The following EDEM3 variants were observed in gnomAD, a reference collection of about 807,000 sequenced individuals.
The protein encoded by EDEM3 is ER degradation enhancing alpha-mannosidase like protein 3.
In EDEM3, 60 loss-of-function variants were observed where a neutral mutation model predicts 110.2. The ratio of observed to expected loss-of-function variants is 0.54; its 90% CI spans 0.44 to 0.67. The LOEUF (loss-of-function observed/expected upper bound fraction) is 0.67. Among genes scored for constraint, EDEM3 ranks in the 30% least tolerant of loss-of-function variants. The pLI is 0.00. For missense variants in EDEM3, 996 were observed against 1,121.0 expected (o/e 0.89, Z 1.59); for synonymous variants, 352 against 382.9 (o/e 0.92, Z 0.94).
rs746303687 is a variant in EDEM3, at chr1:184,694,266, T to C, written c.2596A>G (p.Asn866Asp). 1.9e-6 allele frequency: 3 copies of C among 1,613,270 alleles called. No homozygotes were observed. ...ASISPSEQTSNPTENHETTNL... is the reference protein window; with the variant it reads ...ASISPSEQTSDPTENHETTNL... ...GTAGTCTCATGGTTTTCTGTGGGAT[T>C]AGAAGTCTGTTCAGAAGGGGAAATG... Residue 866 changes from asparagine to aspartate, a missense_variant, in exon 20 of 20, where the codon AAT (asparagine) becomes GAT (aspartate). Physicochemically the swap from Asn to Asp is conservative, Grantham distance 23 (BLOSUM62 1). Transcript: ENST00000318130.
intron 14 of EDEM3, among the ~76,000 whole-genome samples, 191 bp downstream of exon 14, chr1:184,712,242 T>C (rs532376381): frequency 6.6e-6 from 1 of 152,168 alleles, no homozygotes; most frequent in South Asian, 2.1e-4. Flanking sequence ...ACATAATTTT[T>C]AAAAGGAAAC....
chr1:184,744,691 G>T (rs910992070), intron 2 of EDEM3, among the ~76,000 whole-genome samples: 27 of 152,064 alleles, frequency 1.8e-4, no homozygotes, highest in Non-Finnish European at 2.8e-4. Flanking sequence ...AATGGACAAA[G>T]AAATTATGTT....
chr1:184,730,977 C>A (rs1651479183), intron 6 of EDEM3, among the ~76,000 whole-genome samples: 1 of 151,858 alleles, frequency 6.6e-6, no homozygotes, highest in South Asian at 2.1e-4. Flanking sequence ...AAGTCTACTG[C>A]CAAACTACAA....
Position 184,694,230 on chromosome 1 carries a change from C to G in EDEM3, c.2632G>C (p.Gly878Arg), listed in dbSNP as rs1358617907. ...TGGTTATCTAAATCTGTACATTCAC[C>G]ATTAAGATTTGTAGTCTCATGGTTT... ...TENHETTNLN[G>R]ECTDLDNQLQ... The change falls in exon 20 of 20, where the codon GGT becomes CGT. Residue 878 changes from glycine to arginine, a missense_variant. Gly to Arg is a moderately radical substitution (Grantham distance 125). Coordinates refer to ENST00000318130, the MANE Select transcript of EDEM3 (RefSeq NM_025191.4). The G allele has an allele frequency of 6.2e-7, 1 of 1,613,360 alleles. No homozygotes were observed. The highest frequency in any genetic ancestry group is 1.1e-5 in the South Asian group (1 of 91,052).
chr1:184,743,970 A>C (rs1652278025), intron 2 of EDEM3, among the ~76,000 whole-genome samples: 1 of 151,772 alleles, frequency 6.6e-6, no homozygotes, highest in Non-Finnish European at 1.5e-5. Context: ...ACAAGCTAAA[A>C]TTATAGAACA....
chr1:184,749,650 T>G, intron 1 of EDEM3, 58 bp from the exon 2 acceptor site: 3 of 1,334,088 alleles, frequency 2.2e-6, no homozygotes, highest in Non-Finnish European at 3.0e-6. Flanking sequence ...TATATTCTAT[T>G]TATTATCTTT....
intron 15 of EDEM3, among the ~76,000 whole-genome samples, chr1:184,711,478 A>C (rs1650227228): frequency 6.6e-6 from 1 of 152,190 alleles, no homozygotes; most frequent in Non-Finnish European, 1.5e-5. Context: ...CACTATTATT[A>C]CCTTAGTTCA....
chr1:184,697,233 T>C (rs1026861409), intron 19 of EDEM3, among the ~76,000 whole-genome samples: 3 of 151,850 alleles, frequency 2.0e-5, no homozygotes, highest in African/African-American at 7.2e-5. Context: ...TAAAACAAGA[T>C]TTGATTAAAT....
At position 184,754,612 on chromosome 1, in the gene EDEM3, G is replaced by A. The variant is rs1262253084; in HGVS notation, c.35C>T (p.Pro12Leu). The stretch of plus-strand genomic sequence containing the variant: ...TCTCCATCGCGCTCGCTGGGGAACC[G>A]GGGACCCACAGCCCCGGCCGCCGGC... ...SEAGGRGCGS[P>L]VPQRARWRLV... The change falls in exon 1 of 20, where the codon CCG becomes CTG. Residue 12 changes from proline to leucine, a missense_variant. This residue lies in a region of EDEM3 where 200 missense variants were observed against 183.8 expected (regional missense o/e 1.09). Transcript: ENST00000318130. The A allele has an allele frequency of 4.4e-6, 7 of 1,605,352 alleles. No homozygotes were observed. The highest frequency in any genetic ancestry group is 6.0e-6 in the Non-Finnish European group (7 of 1,176,354).
chr1:184,708,036 G>A (rs1650026425), intron 17 of EDEM3, 117 bp downstream of exon 17: 1 of 930,806 alleles, frequency 1.1e-6, no homozygotes, highest in South Asian at 2.1e-5. Context: ...CCAGGAGATT[G>A]ACTATTTCAG....
chr1:184,707,800 G>T (rs1650013668), intron 17 of EDEM3, among the ~76,000 whole-genome samples: 1 of 152,152 alleles, frequency 6.6e-6, no homozygotes, highest in African/African-American at 2.4e-5. Flanking sequence ...GCTTTTAGCT[G>T]TTTTCTACAT....
chr1:184,721,308 A>C lies in EDEM3; in HGVS notation c.932T>G (p.Phe311Cys). The C allele has an allele frequency of 6.2e-7, 1 of 1,602,738 alleles. No homozygotes were observed. Among genetic ancestry groups the C allele is most frequent in the South Asian group, 1.1e-5 (1 of 88,500 alleles). Reference sequence around the variant, plus strand: ...ACTTACTGTGTTAAATCTTTCCAGAAAACTGTCATCTCCAAGCAAGACATA... The same window carrying C: ...ACTTACTGTGTTAAATCTTTCCAGACAACTGTCATCTCCAAGCAAGACATA... Reference protein sequence around the residue: ...KAYVLLGDDSFLERFNTHYDA... With the variant: ...KAYVLLGDDSCLERFNTHYDA... The change falls in exon 9 of 20, where the codon TTT (phenylalanine) becomes TGT (cysteine). Residue 311 changes from phenylalanine (F) to cysteine (C), a missense_variant. Coordinates refer to ENST00000318130, the MANE Select transcript of EDEM3 (RefSeq NM_025191.4).
chr1:184,711,445 G>C (rs1250239014), intron 15 of EDEM3, among the ~76,000 whole-genome samples: 2 of 152,018 alleles, frequency 1.3e-5, no homozygotes, highest in Admixed American at 6.6e-5. Flanking sequence ...AGTTATAGAA[G>C]TTAAAAACTG....
chr1:184,698,070 C>T (rs554249599), intron 19 of EDEM3, among the ~76,000 whole-genome samples: 27 of 151,562 alleles, frequency 1.8e-4, no homozygotes, highest in Non-Finnish European at 3.7e-4. Context: ...AAATGCAAAA[C>T]ATATGACTAG....
intron 8 of EDEM3, among the ~76,000 whole-genome samples, chr1:184,722,607 AACTG>A (rs1650964007): frequency 2.6e-5 from 4 of 152,020 alleles, no homozygotes; most frequent in Admixed American, 1.3e-4. Context: ...TTACTGAAAT[AACTG>A]ACTGTGAAGA....
chr1:184,714,440 G>C (rs1650431145), intron 13 of EDEM3, among the ~76,000 whole-genome samples: 1 of 152,118 alleles, frequency 6.6e-6, no homozygotes. Flanking sequence ...CAGTAATTAT[G>C]ATTAGGAAAA....
At chr1:184,700,424 T>A (rs918802283) in intron 19 of EDEM3, among the ~76,000 whole-genome samples, 6 of 151,998 alleles carry the variant, frequency 3.9e-5, no homozygotes, top group African/African-American at 1.4e-4. Context: ...TTAGTGTACT[T>A]ATATAATCTG....
intron 6 of EDEM3, among the ~76,000 whole-genome samples, chr1:184,729,277 C>G (rs61823887): frequency 1.3e-5 from 2 of 152,096 alleles, no homozygotes; most frequent in South Asian, 4.1e-4. Flanking sequence ...TTAAAAAGGA[C>G]ACTTTTTTAT....
rs200358232 is a variant in EDEM3 at position 184,708,349 on chromosome 1, G to GA, written c.1846-6dup. ...AGCGTCGATTGAACTAGCAGCCTAT[G>GA]AAAAAAACAAATTCATTTTATCCTT... On this transcript the variant is annotated splice_polypyrimidine_tract_variant and splice_region_variant and intron_variant, in intron 16 of 19. Transcript: ENST00000318130. 2.9e-3 allele frequency: 4,707 copies of GA among 1,603,862 alleles called. 41 individuals are homozygous for GA. The highest frequency in any genetic ancestry group is 0.026 in the East Asian group (1,175 of 44,754).
Sources: allele counts gnomAD v4.1 joint callset (sites outside exome capture counted in the v4.1 genomes callset), GRCh38; gene constraint gnomAD v4.1.1; regional missense constraint gnomAD v4.1.1; transcripts MANE v1.5; gene names NCBI Gene and HGNC (gene_info 2026-07-23, HGNC 2026-07-21).